Variants in HIBCH observed in about 807,000 individuals in gnomAD.
The protein encoded by HIBCH is 3-hydroxyisobutyryl-CoA hydrolase, mitochondrial.
HIBCH carries 50 observed loss-of-function variants against 58.2 expected under a neutral mutation model. That is an observed-to-expected ratio of 0.86 (90% CI 0.68 to 1.09). HIBCH has a LOEUF of 1.09. Ranked by LOEUF, HIBCH falls within the 50% of genes least tolerant of loss-of-function variation. The probability of loss-of-function intolerance (pLI) is 0.00; values close to 1 mark genes in which losing one functional copy is unlikely to be tolerated. For missense variants in HIBCH, 450 were observed against 449.7 expected, an observed-to-expected ratio of 1.00 and a Z score of -0.01; for synonymous variants, 151 against 146.9, an observed-to-expected ratio of 1.03 and a Z score of -0.20.
At chr2:190,276,538 G>A (rs892384502) in intron 6 of HIBCH, among the ~76,000 whole-genome samples, 4 of 152,160 alleles carry the variant, frequency 2.6e-5, no homozygotes, top group East Asian at 3.8e-4. Flanking sequence ...CCACAGTAAC[G>A]AATAAGTTCT....
At chr2:190,192,213 C>G (rs534615099) in intron 1 of HIBCH, among the ~76,000 whole-genome samples, 1 of 152,030 alleles carries the variant, frequency 6.6e-6, no homozygotes, top group South Asian at 2.1e-4. Context: ...AAAAGATTAT[C>G]CTTTTTGCAT....
At chr2:190,317,412 G>A (rs532145665) in intron 1 of HIBCH, among the ~76,000 whole-genome samples, 5 of 152,312 alleles carry the variant, frequency 3.3e-5, no homozygotes, top group African/African-American at 9.6e-5. Context: ...AGTGGCTACA[G>A]GATAATAGAA....
At chr2:190,230,108 G>A (rs1368246609) in intron 11 of HIBCH, among the ~76,000 whole-genome samples, 4 of 152,126 alleles carry the variant, frequency 2.6e-5, no homozygotes. Flanking sequence ...AAGGGTTTCT[G>A]TTTGGGTCCC....
intron 6 of HIBCH, among the ~76,000 whole-genome samples, chr2:190,273,704 T>TA (rs34435266): frequency 0.19 from 29,247 of 151,504 alleles, 3,090 homozygotes; most frequent in East Asian, 0.32. Context: ...CCAGTTTTTT[T>TA]AAAAAAAAAA....
chr2:190,231,737 G>T lies in HIBCH; in HGVS notation c.891+13150C>A, dbSNP rs115698441. 4.0e-3 allele frequency among the ~76,000 whole-genome samples: 606 copies of T among 152,118 alleles called. 4 individuals are homozygous for T. The highest frequency in any genetic ancestry group is 0.014 in the African/African-American group (590 of 41,502). Reference sequence around the variant, plus strand: ...GGGGTATGAGACGGAGGAAGGAAGGGAGAGAGGGAGAGGAGAAGAAAAGGA... The same window carrying T: ...GGGGTATGAGACGGAGGAAGGAAGGTAGAGAGGGAGAGGAGAAGAAAAGGA... On this transcript the variant is annotated intron_variant, in intron 11 of 13. Coordinates refer to ENST00000359678, the MANE Select transcript of HIBCH (RefSeq NM_014362.4).
chr2:190,232,362 ACTTCC>A (rs1291223077), intron 11 of HIBCH, among the ~76,000 whole-genome samples: 1 of 152,218 alleles, frequency 6.6e-6, no homozygotes, highest in Non-Finnish European at 1.5e-5. Context: ...TTCAACACCT[ACTTCC>A]CTTTTGGCAG....
downstream of HIBCH, chr2:190,202,880 T>A (rs1372823639): frequency 1.8e-5 from 3 of 167,112 alleles, no homozygotes. Context: ...AGTTGTCGCT[T>A]ATGTACTGTT....
intron 3 of HIBCH, 33 bp from the exon 4 acceptor site, chr2:190,294,663 T>C: frequency 7.1e-7 from 1 of 1,401,710 alleles, no homozygotes; most frequent in South Asian, 1.2e-5. Context: ...GGTATAAGCA[T>C]ATTATAAACA....
rs7593125 is a variant in HIBCH at position 190,270,528 on chromosome 2, A to G, written c.439-9294T>C. Among the ~76,000 whole-genome samples, 809 of 152,336 alleles carry G rather than the reference A, an allele frequency of 5.3e-3. 5 individuals are homozygous for G. The highest frequency in any genetic ancestry group is 0.019 in the African/African-American group (771 of 41,586). ...AAAAGTCATGGATTTAAATCTAACCAGGGAGAATGAGTAAGCTCCTGCCCA... is the reference window on the plus strand; with the variant it reads ...AAAAGTCATGGATTTAAATCTAACCGGGGAGAATGAGTAAGCTCCTGCCCA... On this transcript the variant is annotated intron_variant, in intron 6 of 13. Transcript: ENST00000359678.
chr2:190,240,042 T>C lies in HIBCH; in HGVS notation c.891+4845A>G, dbSNP rs533570809. On this transcript the variant is annotated intron_variant, in intron 11 of 13. Coordinates refer to ENST00000359678, the MANE Select transcript of HIBCH (RefSeq NM_014362.4). ...ATGAGTTAGGGAGGAGTCCCTCTTT[T>C]TGTATTCTTTGGAATATTTTCAGAA... Among the ~76,000 whole-genome samples, 3 of 152,330 alleles carry C rather than the reference T, an allele frequency of 2.0e-5. No homozygotes were observed. The South Asian group carries it at 6.2e-4, about 32-fold the overall frequency.
intron 11 of HIBCH, among the ~76,000 whole-genome samples, chr2:190,238,108 T>C (rs1686336914): frequency 6.6e-6 from 1 of 152,210 alleles, no homozygotes; most frequent in Non-Finnish European, 1.5e-5. Context: ...TCTTTGCTAT[T>C]GTAAATAGTG....
At chr2:190,208,755 G>C in intron 13 of HIBCH, 125 bp downstream of exon 13, 1 of 756,880 alleles carries the variant, frequency 1.3e-6, no homozygotes. Context: ...TGCTCAAATA[G>C]TTTCAGATTT....
At chr2:190,247,664 A>G (rs1239060783) in intron 9 of HIBCH, among the ~76,000 whole-genome samples, 3 of 152,078 alleles carry the variant, frequency 2.0e-5, no homozygotes, top group Admixed American at 2.0e-4. Context: ...GTTTTCCTCA[A>G]CCACAGATTT....
Position 190,215,447 on chromosome 2 carries a change from A to G in HIBCH, c.892-2372T>C, listed in dbSNP as rs1210691564. On this transcript the variant is annotated intron_variant, in intron 11 of 13. Coordinates refer to ENST00000359678, the MANE Select transcript of HIBCH (RefSeq NM_014362.4). This position sits in a 1 kb window ranked among gnomAD's most constrained non-coding sequence, Gnocchi z 4.4. ...TCAAAAGCATTTGAGATTCAACAAC[A>G]AAAAAGGAGGAGACTCCCTCTGTGT... 6.6e-6 allele frequency: 1 copy of G among 152,168 alleles called. No individual in the cohort carries two copies. Among genetic ancestry groups the G allele is most frequent in the Non-Finnish European group, 1.5e-5 (1 of 68,042 alleles). 9.4% of individuals were successfully genotyped at this position (152,168 alleles called of 1,614,324 possible).
At chr2:190,318,423 C>T (rs918100439) in intron 1 of HIBCH, among the ~76,000 whole-genome samples, 1 of 152,172 alleles carries the variant, frequency 6.6e-6, no homozygotes, top group Non-Finnish European at 1.5e-5. Flanking sequence ...CTCAGAAACA[C>T]TTTCCGTGGC....
chr2:190,207,925 T>G lies in HIBCH; in HGVS notation c.1045+955A>C, dbSNP rs1428520768. On this transcript the variant is annotated intron_variant, in intron 13 of 13. Transcript: ENST00000359678. The surrounding 1 kb of genome is among the most constrained non-coding windows in gnomAD (Gnocchi z 4.5). ...TAAAAAAAACAAAGGATATCCAGAG[T>G]CTGCACTATAGTAAAATAATTAATA... Among the ~76,000 whole-genome samples the G allele has an allele frequency of 6.6e-6, 1 of 151,452 alleles. No individual in the cohort carries two copies. The highest frequency in any genetic ancestry group is 1.9e-4 in the East Asian group (1 of 5,178).
chr2:190,287,139 A>G (rs1370194495), intron 6 of HIBCH, among the ~76,000 whole-genome samples: 1 of 151,694 alleles, frequency 6.6e-6, no homozygotes, highest in African/African-American at 2.4e-5. Flanking sequence ...TCAGCTCACT[A>G]CAAGCTCCAC....
At chr2:190,222,989 G>A (rs1414060067) in intron 11 of HIBCH, among the ~76,000 whole-genome samples, 1 of 152,208 alleles carries the variant, frequency 6.6e-6, no homozygotes, top group Non-Finnish European at 1.5e-5. Context: ...GATGAAGCTG[G>A]AAACCATCAT....
chr2:190,244,480 A>C (rs1686548314), intron 11 of HIBCH, among the ~76,000 whole-genome samples: 2 of 152,280 alleles, frequency 1.3e-5, no homozygotes, highest in Non-Finnish European at 2.9e-5. Flanking sequence ...GTTTAGAAAG[A>C]CCATATTAAG....
Sources: gnomAD v4.1 joint callset for allele counts (sites outside exome capture counted in the v4.1 genomes callset) on GRCh38, gnomAD v4.1.1 for gene constraint, Gnocchi (gnomAD v3.1) non-coding constraint, MANE v1.5 for transcripts, NCBI Gene and HGNC (gene_info 2026-07-23, HGNC 2026-07-21) for gene names.